PPP1R36: variants seen among roughly 807,000 people sequenced by gnomAD.
PPP1R36 encodes chromosome 14 open reading frame 50.
In PPP1R36, 47 loss-of-function variants were observed where a neutral mutation model predicts 53.4. The observed-to-expected ratio is 0.88, with a 90% CI of 0.70 to 1.12. The LOEUF (loss-of-function observed/expected upper bound fraction) is 1.12, where lower values mean the gene tolerates loss of function less well. Ranked by LOEUF, PPP1R36 falls within the 50% of genes most tolerant of loss-of-function variation. The pLI is 0.00. For synonymous variants in PPP1R36, 153 were observed against 170.5 expected, an observed-to-expected ratio of 0.90 and a Z score of 0.80; for missense variants, 456 against 513.9, an observed-to-expected ratio of 0.89 and a Z score of 1.09.
rs2080326211 is a variant in PPP1R36, at chr14:64,574,338, G to C, written c.534-117G>C. On this transcript the variant is annotated intron_variant, in intron 7 of 11. Coordinates refer to ENST00000298705, the MANE Select transcript of PPP1R36 (RefSeq NM_172365.3). ...CCACTGCACTCCAGCCTAGGTAGCA[G>C]AGCAAGACTCTGTCTTAAAGAAAAG... The C allele has an allele frequency of 4.7e-6, 5 of 1,058,082 alleles. No homozygotes were observed. The South Asian group carries it at 6.4e-5, about 14-fold the overall frequency. 65.5% of individuals were successfully genotyped at this position (1,058,082 alleles called of 1,614,324 possible). A position where few individuals can be genotyped will look rare whatever the true frequency, so the allele number is the denominator to read the frequency against.
Position 64,588,168 on chromosome 14 carries a change from A to C in PPP1R36, c.955A>C (p.Thr319Pro). Residue 319 changes from threonine to proline, a missense_variant, in exon 11 of 12, where the codon ACT (threonine) becomes CCT (proline). Thr to Pro is a conservative substitution (Grantham distance 38). Coordinates refer to ENST00000298705, the MANE Select transcript of PPP1R36 (RefSeq NM_172365.3). ...AINMRSPVMS[T>P]LLPSLREKAQ... is the part of the protein sequence containing the mutation. ...CAACATGCGTTCTCCAGTCATGTCTACTCTGCTGCCATCTCTCAGAGAAAA... is the reference window on the plus strand; with the variant it reads ...CAACATGCGTTCTCCAGTCATGTCTCCTCTGCTGCCATCTCTCAGAGAAAA... 3 of 1,614,064 alleles carry C rather than the reference A, an allele frequency of 1.9e-6. No individual in the cohort carries two copies. The South Asian group carries it at 3.3e-5, about 18-fold the overall frequency.
chr14:64,575,319 A>C (rs2080333527), intron 8 of PPP1R36, among the ~76,000 whole-genome samples: 1 of 152,224 alleles, frequency 6.6e-6, no homozygotes. Context: ...CAGCTTTGTC[A>C]ATGAGCATAC....
At chr14:64,568,996 T>C (rs1223709196) in intron 7 of PPP1R36, among the ~76,000 whole-genome samples, 1 of 152,192 alleles carries the variant, frequency 6.6e-6, no homozygotes. Context: ...TACAAAGTTC[T>C]TGCTAAAGGG....
At chr14:64,586,353 AAGG>A (rs1244017422) in intron 8 of PPP1R36, 4 of 150,270 alleles carry the variant, frequency 2.7e-5, no homozygotes, top group African/African-American at 1.0e-4. Context: ...TGCCCATCAG[AAGG>A]AGGAGCACAC....
chr14:64,556,892 G>C (rs1474665817), intron 3 of PPP1R36, among the ~76,000 whole-genome samples: 1 of 151,868 alleles, frequency 6.6e-6, no homozygotes, highest in Admixed American at 6.6e-5. Context: ...TTAGCTCGGT[G>C]CAGCCTTGAC....
intron 3 of PPP1R36, chr14:64,562,099 G>A: frequency 8.2e-6 from 2 of 244,342 alleles, no homozygotes; most frequent in South Asian, 4.8e-5. Flanking sequence ...GGAGATAGTA[G>A]GAGGGTATAG....
chr14:64,586,656 C>T (rs2080435802), intron 8 of PPP1R36, 181 bp from the exon 9 acceptor site: 5 of 497,226 alleles, frequency 1.0e-5, no homozygotes, highest in South Asian at 3.8e-5. Context: ...ATCTGGGTAA[C>T]GTAGGAGGTT....
chr14:64,588,260 G>A lies in PPP1R36; in HGVS notation c.1047G>A (p.Lys349=), dbSNP rs1240254758. The A allele has an allele frequency of 6.2e-7, 1 of 1,613,732 alleles. No homozygotes were observed. Residue 349 remains lysine, a synonymous_variant, in exon 11 of 12, where the codon AAG becomes AAA. Transcript: ENST00000298705. ...TCAGATTCCCAGCCGAGATGCAAAA[G>A]CATGTGGGAACTCTGGACTCTGTGC... The part of the protein sequence containing the change: ...VDVRFPAEMQ[K]HVGTLDSVPM...
chr14:64,574,151 G>A (rs2080324777), intron 7 of PPP1R36, among the ~76,000 whole-genome samples: 1 of 152,084 alleles, frequency 6.6e-6, no homozygotes, highest in African/African-American at 2.4e-5. Context: ...CCAAGGGGAG[G>A]ATCACTTGAG....
At chr14:64,567,475 G>A (rs549794176) in intron 6 of PPP1R36, among the ~76,000 whole-genome samples, 3 of 152,258 alleles carry the variant, frequency 2.0e-5, no homozygotes, top group African/African-American at 7.2e-5. Flanking sequence ...CATAGAAAGA[G>A]GTCTATGCTA....
Position 64,586,877 on chromosome 14 carries a change from G to C in PPP1R36, c.709G>C (p.Glu237Gln), listed in dbSNP as rs750031807. Reference sequence around the variant, plus strand: ...TACACAGAAAGACTGGAAGTTCTTTGAGGTGAGTCACTTATGTTTTGGTGC... The same window carrying C: ...TACACAGAAAGACTGGAAGTTCTTTCAGGTGAGTCACTTATGTTTTGGTGC... ...SDTQKDWKFF[E>Q]SFYTFCTYVA... Residue 237 changes from glutamate to glutamine, a missense_variant and splice_region_variant, in exon 9 of 12, where the codon GAG (glutamate) becomes CAG (glutamine). Glu to Gln is a conservative substitution (Grantham distance 29). Coordinates refer to ENST00000298705, the MANE Select transcript of PPP1R36 (RefSeq NM_172365.3). 3.7e-5 allele frequency: 59 copies of C among 1,611,508 alleles called. 2 individuals carry two copies. In the East Asian group the frequency reaches 1.3e-3, roughly 36 times the overall value.
chr14:64,565,224 A>T (rs938233678), intron 4 of PPP1R36, 133 bp from the exon 5 acceptor site: 5 of 622,266 alleles, frequency 8.0e-6, no homozygotes, highest in Non-Finnish European at 1.4e-5. Flanking sequence ...AAATGATCGT[A>T]CATCAAACAA....
At chr14:64,562,340 A>C (rs959249253) in intron 3 of PPP1R36, among the ~76,000 whole-genome samples, 2 of 152,116 alleles carry the variant, frequency 1.3e-5, no homozygotes, top group Non-Finnish European at 2.9e-5. Context: ...AGGCACCTGT[A>C]ATCCCAGCTA....
chr14:64,561,855 C>G (rs2080207956), intron 3 of PPP1R36: 2 of 455,642 alleles, frequency 4.4e-6, no homozygotes, highest in African/African-American at 2.0e-5. Flanking sequence ...CATGGACTCC[C>G]CTGAGGACAT....
chr14:64,582,058 G>T (rs1341226728), intron 8 of PPP1R36, among the ~76,000 whole-genome samples: 1 of 152,190 alleles, frequency 6.6e-6, no homozygotes, highest in Non-Finnish European at 1.5e-5. Flanking sequence ...AACCAGAGAG[G>T]CTAGCGGTGG....
chr14:64,565,059 T>C (rs2080238417), intron 4 of PPP1R36, among the ~76,000 whole-genome samples: 1 of 152,254 alleles, frequency 6.6e-6, no homozygotes, highest in Admixed American at 6.5e-5. Context: ...TTCAACTTTT[T>C]ACAGTTTTTT....
At chr14:64,555,133 C>T (rs1329069993) in intron 3 of PPP1R36, among the ~76,000 whole-genome samples, 1 of 152,162 alleles carries the variant, frequency 6.6e-6, no homozygotes, top group African/African-American at 2.4e-5. Flanking sequence ...GATAACTTTG[C>T]CATGAAATGT....
At chr14:64,558,639 CT>C (rs200431215) in intron 3 of PPP1R36, among the ~76,000 whole-genome samples, 271 of 143,078 alleles carry the variant, frequency 1.9e-3, no homozygotes, top group South Asian at 4.0e-3. Flanking sequence ...TTTGTTTTGT[CT>C]TTTTTTTTTT....
chr14:64,563,228 G>C (rs1478761744), intron 3 of PPP1R36, among the ~76,000 whole-genome samples: 3 of 152,204 alleles, frequency 2.0e-5, no homozygotes, highest in African/African-American at 7.2e-5. Flanking sequence ...CTAGAGTGCA[G>C]TGGTGTGATC....
Sources: gnomAD v4.1 joint callset for allele counts (sites outside exome capture counted in the v4.1 genomes callset) on GRCh38, gnomAD v4.1.1 for gene constraint, MANE v1.5 for transcripts, NCBI Gene and HGNC (gene_info 2026-07-23, HGNC 2026-07-21) for gene names.